The following PHF2 variants were observed in gnomAD, a reference collection of about 807,000 sequenced individuals.
PHF2 encodes PHD finger protein 2.
In PHF2, 27 loss-of-function variants were observed where a neutral mutation model predicts 120.5. The ratio of observed to expected loss-of-function variants is 0.22; its 90% confidence interval spans 0.17 to 0.31. PHF2 has a LOEUF of 0.31. Ranked by LOEUF, PHF2 falls within the 10% of genes least tolerant of loss-of-function variation. The pLI is 1.00. For missense variants in PHF2, 1,024 were observed against 1,434.8 expected, an observed-to-expected ratio of 0.71 and a Z score of 4.63; for synonymous variants, 568 against 592.5, an observed-to-expected ratio of 0.96 and a Z score of 0.60.
intron 1 of PHF2, among the ~76,000 whole-genome samples, chr9:93,616,910 C>A (rs1285583107): frequency 6.6e-6 from 1 of 152,170 alleles, no homozygotes; most frequent in East Asian, 1.9e-4. Flanking sequence ...CCCACCTCGG[C>A]CTCCCAAAGT....
At chr9:93,663,713 C>T (rs1826622779) in intron 14 of PHF2, 78 bp downstream of exon 14, 1 of 783,522 alleles carries the variant, frequency 1.3e-6, no homozygotes, top group Admixed American at 1.9e-5. Context: ...GCATCACACC[C>T]ACTGCCTTAT....
intron 1 of PHF2, among the ~76,000 whole-genome samples, chr9:93,599,713 T>C (rs1266432364): frequency 6.6e-6 from 1 of 152,218 alleles, no homozygotes; most frequent in African/African-American, 2.4e-5. Context: ...GCTGATGTGG[T>C]CCAGCACCTC....
At chr9:93,672,631 T>C in intron 17 of PHF2, 1 of 984,872 alleles carries the variant, frequency 1.0e-6, no homozygotes, top group African/African-American at 1.8e-5. Context: ...CAGGTGTAGA[T>C]GCAGGTGCGG....
chr9:93,638,054 G>A (rs761272071), intron 3 of PHF2, among the ~76,000 whole-genome samples: 80 of 151,874 alleles, frequency 5.3e-4, no homozygotes, highest in Admixed American at 1.6e-3. Context: ...ATCTTTTCAT[G>A]AGCTTGTCGA....
At chr9:93,664,717 A>G (rs1016240811) in intron 14 of PHF2, among the ~76,000 whole-genome samples, 3 of 152,174 alleles carry the variant, frequency 2.0e-5, no homozygotes, top group African/African-American at 7.2e-5. Flanking sequence ...CACTTGCTTT[A>G]TCTGAAGCTC....
chr9:93,665,000 T>A (rs912692317), intron 14 of PHF2, among the ~76,000 whole-genome samples: 1 of 152,234 alleles, frequency 6.6e-6, no homozygotes, highest in African/African-American at 2.4e-5. Flanking sequence ...CTCAGCCTGT[T>A]GTCCCTGCTA....
chr9:93,638,999 T>C (rs1826135936), intron 3 of PHF2, among the ~76,000 whole-genome samples: 1 of 152,222 alleles, frequency 6.6e-6, no homozygotes, highest in African/African-American at 2.4e-5. Context: ...ATTACAAGCG[T>C]GAGCCACCAT....
intron 1 of PHF2, among the ~76,000 whole-genome samples, chr9:93,610,069 A>G (rs1487488851): frequency 1.1e-4 from 9 of 80,830 alleles, no homozygotes; most frequent in Admixed American, 1.0e-3. Flanking sequence ...GCCTAGGTGT[A>G]GATTTTTTTT....
intron 13 of PHF2, 82 bp downstream of exon 13, chr9:93,663,108 T>G (rs1242351680): frequency 6.4e-7 from 1 of 1,570,202 alleles, no homozygotes; most frequent in Non-Finnish European, 8.7e-7. Flanking sequence ...AGGCCCTGTG[T>G]GTGTGAAGGA....
At chr9:93,581,992 A>T (rs1471365511) in intron 1 of PHF2, among the ~76,000 whole-genome samples, 1 of 152,136 alleles carries the variant, frequency 6.6e-6, no homozygotes, top group African/African-American at 2.4e-5. Context: ...TAAATAACAG[A>T]TGGGCCTGAT....
At chr9:93,634,652 A>G (rs977471288) in intron 2 of PHF2, among the ~76,000 whole-genome samples, 1 of 152,236 alleles carries the variant, frequency 6.6e-6, no homozygotes, top group African/African-American at 2.4e-5. Flanking sequence ...TTATGAAGGC[A>G]GATGCATCCA....
chr9:93,620,285 A>G (rs1825804564), intron 1 of PHF2, among the ~76,000 whole-genome samples: 1 of 152,134 alleles, frequency 6.6e-6, no homozygotes, highest in African/African-American at 2.4e-5. Context: ...GTCCTCACCC[A>G]CTTCCCCACA....
chr9:93,664,164 G>C (rs996703234), intron 14 of PHF2, among the ~76,000 whole-genome samples: 2 of 152,194 alleles, frequency 1.3e-5, no homozygotes, highest in Admixed American at 6.5e-5. Context: ...CTCAGAGCCC[G>C]GTGGCCAGTG....
chr9:93,636,477 A>G lies in PHF2; in HGVS notation c.251A>G (p.Asn84Ser). 1 of 1,608,470 alleles carries G rather than the reference A, an allele frequency of 6.2e-7. No individual in the cohort carries two copies. The highest frequency in any genetic ancestry group is 8.5e-7 in the Non-Finnish European group (1 of 1,177,786). Residue 84 changes from asparagine (N) to serine (S), a missense_variant, in exon 3 of 22, where the codon AAT becomes AGT. Asn to Ser is a conservative substitution (Grantham distance 46, BLOSUM62 1). Around this residue, in one of 2 missense-constraint regions of PHF2, gnomAD observed 347 missense variants for 577.4 expected, o/e 0.60. Coordinates refer to ENST00000359246, the MANE Select transcript of PHF2 (RefSeq NM_005392.4). ...GQAPDVKPVQ[N>S]GSQLFIKELR... ...GCGCCTGACGTCAAGCCCGTGCAGA[A>G]TGGCAGCCAGCTCTTCATCAAGGAG...
chr9:93,625,029 A>T (rs1825889289), intron 1 of PHF2, among the ~76,000 whole-genome samples: 1 of 152,198 alleles, frequency 6.6e-6, no homozygotes, highest in Non-Finnish European at 1.5e-5. Context: ...AGTGGTACTT[A>T]GTAAATTCAC....
chr9:93,583,067 T>C (rs1460198318), intron 1 of PHF2, among the ~76,000 whole-genome samples: 1 of 152,224 alleles, frequency 6.6e-6, no homozygotes, highest in Non-Finnish European at 1.5e-5. Context: ...CTGCCCTTTC[T>C]TCCTCCCACT....
intron 1 of PHF2, among the ~76,000 whole-genome samples, chr9:93,594,676 C>G (rs748360984): frequency 3.3e-5 from 5 of 152,160 alleles, no homozygotes; most frequent in Non-Finnish European, 5.9e-5. Flanking sequence ...AGTGGGAGAG[C>G]ACATTGGGAC....
chr9:93,662,566 G>GGATGGATA (rs1491481194), intron 12 of PHF2, among the ~76,000 whole-genome samples: 5 of 68,662 alleles, frequency 7.3e-5, no homozygotes, highest in African/African-American at 2.8e-4. Context: ...ATGGATGGAT[G>GGATGGATA]GATGGATGAA....
chr9:93,579,953 C>T (rs1862902623), intron 1 of PHF2, among the ~76,000 whole-genome samples: 1 of 152,178 alleles, frequency 6.6e-6, no homozygotes, highest in Admixed American at 6.6e-5. Flanking sequence ...GTGGGGCTGC[C>T]CCGCTGGCCT....
Sources: allele counts gnomAD v4.1 joint callset (sites outside exome capture counted in the v4.1 genomes callset), GRCh38; gene constraint gnomAD v4.1.1; regional missense constraint gnomAD v4.1.1; transcripts MANE v1.5; gene names NCBI Gene and HGNC (gene_info 2026-07-23, HGNC 2026-07-21).